The following NKAIN3 variants were observed in gnomAD, a reference collection of about 807,000 sequenced individuals.
NKAIN3 encodes the protein sodium/potassium transporting ATPase interacting 3, also known as sodium/potassium-transporting ATPase subunit beta-1-interacting protein 3.
Under a neutral mutation model 30.2 loss-of-function variants are expected in NKAIN3, and 25 were observed. That is an observed-to-expected ratio of 0.83 (90% CI 0.60 to 1.16). The LOEUF is 1.16. NKAIN3 is among the 50% of genes most tolerant of loss of function. The pLI, the probability that NKAIN3 is intolerant of heterozygous loss-of-function variation, is 0.00. For synonymous variants in NKAIN3, 91 were observed against 89.6 expected (o/e 1.02, Z -0.09); for missense variants, 225 against 254.1 (o/e 0.89, Z 0.78).
chr8:62,962,206 CTT>C (rs969879594), intron 6 of NKAIN3, among the ~76,000 whole-genome samples: 2 of 152,122 alleles, frequency 1.3e-5, no homozygotes, highest in African/African-American at 4.8e-5. Flanking sequence ...AAAAAAGACA[CTT>C]AAGTAAAAAT....
chr8:62,658,329 T>C lies in NKAIN3; in HGVS notation c.273+68535T>C, dbSNP rs116574947. ...CACGGCACATCAGCCTTTGGCAAAA[T>C]TTAATTTCGCGGTGAGGATTCAGTA... On this transcript the variant is annotated intron_variant, in intron 3 of 6. Coordinates refer to ENST00000623646, the MANE Select transcript of NKAIN3 (RefSeq NM_001304533.3). Among the ~76,000 whole-genome samples, 581 of 152,234 alleles carry C rather than the reference T, an allele frequency of 3.8e-3. 3 individuals are homozygous for C. The highest frequency in any genetic ancestry group is 0.012 in the African/African-American group (513 of 41,558).
chr8:62,347,796 G>T (rs1816049537), intron 1 of NKAIN3, among the ~76,000 whole-genome samples: 1 of 152,062 alleles, frequency 6.6e-6, no homozygotes, highest in Non-Finnish European at 1.5e-5. Flanking sequence ...TAAGTATGAG[G>T]TTGCAAAATG....
intron 1 of NKAIN3, among the ~76,000 whole-genome samples, chr8:62,412,768 C>T (rs908908540): frequency 6.6e-6 from 1 of 151,230 alleles, no homozygotes; most frequent in African/African-American, 2.4e-5. Flanking sequence ...AAAAATTAGC[C>T]GAGCATAGTG....
intron 1 of NKAIN3, among the ~76,000 whole-genome samples, chr8:62,349,173 G>T (rs1816103710): frequency 6.6e-6 from 1 of 152,148 alleles, no homozygotes; most frequent in Non-Finnish European, 1.5e-5. Context: ...TGCATCTTCT[G>T]CCATACTTAA....
At chr8:62,629,595 A>T (rs1811892981) in intron 3 of NKAIN3, among the ~76,000 whole-genome samples, 1 of 152,168 alleles carries the variant, frequency 6.6e-6, no homozygotes, top group Non-Finnish European at 1.5e-5. Context: ...CATAAATGCT[A>T]GGCATTATTT....
rs1017852964 is a variant in NKAIN3, at chr8:62,966,410, C to A, written c.*1003C>A. 7 of 982,970 alleles carry A rather than the reference C, an allele frequency of 7.1e-6. No individual in the cohort carries two copies. The highest frequency in any genetic ancestry group is 8.5e-6 in the Non-Finnish European group (7 of 827,876). The allele number at this position is 982,970 out of a possible 1,614,324, so 60.9% of individuals were successfully genotyped here. A position where few individuals can be genotyped will look rare whatever the true frequency, so the allele number is the denominator to read the frequency against. ...GTGGAAAAAAGGACTGTCTTGAAAA[C>A]GCATCACAGTTGTATTTTTTTAACT... is the stretch of plus-strand genomic sequence containing the variant. On this transcript the variant is annotated 3_prime_UTR_variant, in exon 7 of 7. Transcript: ENST00000623646.
Position 62,824,491 on chromosome 8 carries a change from AACACACACACAC to A in NKAIN3, c.471+77392_471+77403del, listed in dbSNP as rs6150612. Among the ~76,000 whole-genome samples, 484 of 148,718 alleles carry A rather than the reference AACACACACACAC, an allele frequency of 3.3e-3. 4 individuals are homozygous for A. Among genetic ancestry groups the A allele is most frequent in the African/African-American group, 0.011 (441 of 40,206 alleles). On this transcript the variant is annotated intron_variant, in intron 4 of 6. Transcript: ENST00000623646. Reference sequence around the variant, plus strand: ...TAAGCGGAAAAAATACCACCTCTTCAACACACACACACACACACACACACACACACACACACA... The same window carrying A: ...TAAGCGGAAAAAATACCACCTCTTCAACACACACACACACACACACACACA...
intron 1 of NKAIN3, among the ~76,000 whole-genome samples, chr8:62,347,419 A>G (rs1405372292): frequency 6.6e-6 from 1 of 152,134 alleles, no homozygotes; most frequent in Non-Finnish European, 1.5e-5. Context: ...AAATAAGAAG[A>G]TTTATTTCCA....
chr8:62,869,465 T>A (rs73260815), intron 4 of NKAIN3, among the ~76,000 whole-genome samples: 2,025 of 152,312 alleles, frequency 0.013, 50 homozygotes, highest in African/African-American at 0.047. Flanking sequence ...TTTTAAAATA[T>A]TTGAAAGATG....
chr8:62,358,406 T>C (rs1816429268), intron 1 of NKAIN3, among the ~76,000 whole-genome samples: 1 of 152,152 alleles, frequency 6.6e-6, no homozygotes, highest in South Asian at 2.1e-4. Flanking sequence ...TTAATGGTGG[T>C]TGATAAGGTA....
At chr8:62,805,517 T>A (rs559865176) in intron 4 of NKAIN3, among the ~76,000 whole-genome samples, 27 of 152,296 alleles carry the variant, frequency 1.8e-4, no homozygotes, top group Admixed American at 1.7e-3. Context: ...AACTATCTGA[T>A]CTTTGACAAA....
chr8:62,957,733 CAG>C (rs1585621757), intron 6 of NKAIN3, among the ~76,000 whole-genome samples: 1 of 152,080 alleles, frequency 6.6e-6, no homozygotes, highest in African/African-American at 2.4e-5. Context: ...TAGGCAAAGA[CAG>C]AGGATTTTTA....
chr8:62,290,523 T>C (rs878986320), intron 1 of NKAIN3, among the ~76,000 whole-genome samples: 1 of 152,220 alleles, frequency 6.6e-6, no homozygotes, highest in Admixed American at 6.5e-5. Context: ...TTTGGTTCTG[T>C]TTATATGCTG....
intron 3 of NKAIN3, among the ~76,000 whole-genome samples, chr8:62,738,381 C>A (rs556961543): frequency 5.8e-4 from 89 of 152,200 alleles, no homozygotes; most frequent in Admixed American, 1.4e-3. Flanking sequence ...GGGCAGATCA[C>A]CTGAGGTCAG....
rs184393818 is a variant in NKAIN3 at position 62,957,241 on chromosome 8, C to A, written c.603+3269C>A. Among the ~76,000 whole-genome samples the A allele has an allele frequency of 1.2e-3, 189 of 152,200 alleles. 1 individual carries two copies. Among genetic ancestry groups the A allele is most frequent in the Admixed American group, 2.1e-3 (32 of 15,292 alleles). ...CTCCGCCTCCTGAGTTCACGCCATT[C>A]TCCTGCCTCAGCCTCCTGAGTAGCT... On this transcript the variant is annotated intron_variant, in intron 6 of 6. Coordinates refer to ENST00000623646, the MANE Select transcript of NKAIN3 (RefSeq NM_001304533.3).
intron 1 of NKAIN3, among the ~76,000 whole-genome samples, chr8:62,574,792 G>A (rs1810057800): frequency 6.6e-6 from 1 of 152,056 alleles, no homozygotes; most frequent in Admixed American, 6.6e-5. Context: ...TTTCTCTGAT[G>A]ATCAGTAATG....
At chr8:62,505,143 G>T (rs1056902022) in intron 1 of NKAIN3, among the ~76,000 whole-genome samples, 5 of 152,178 alleles carry the variant, frequency 3.3e-5, no homozygotes, top group African/African-American at 1.2e-4. Flanking sequence ...CGAACAATAA[G>T]GTCAATACAG....
intron 1 of NKAIN3, among the ~76,000 whole-genome samples, chr8:62,327,643 T>C (rs1364149963): frequency 6.6e-6 from 1 of 152,128 alleles, no homozygotes; most frequent in African/African-American, 2.4e-5. Context: ...ATTCCATTGA[T>C]CTTTACATCT....
At chr8:62,886,160 A>C (rs1180339259) in intron 4 of NKAIN3, among the ~76,000 whole-genome samples, 1 of 148,136 alleles carries the variant, frequency 6.8e-6, no homozygotes, top group Admixed American at 6.7e-5. Context: ...ACTTTCTTTA[A>C]CTTTTTTTTT....
Sources: allele counts gnomAD v4.1 joint callset (sites outside exome capture counted in the v4.1 genomes callset), GRCh38; gene constraint gnomAD v4.1.1; transcripts MANE v1.5; gene names NCBI Gene and HGNC (gene_info 2026-07-23, HGNC 2026-07-21).